The following TMED3 variants were observed in gnomAD, a reference collection of about 807,000 sequenced individuals.
TMED3 encodes transmembrane p24 trafficking protein 3, also known as transmembrane emp24 domain-containing protein 3.
TMED3 carries 9 observed loss-of-function variants against 15.0 expected under a neutral mutation model. That is an observed-to-expected ratio of 0.60 (90% confidence interval 0.36 to 1.04). The LOEUF (loss-of-function observed/expected upper bound fraction) is 1.04. Among genes scored for constraint, TMED3 ranks in the 50% least tolerant of loss-of-function variants. The pLI is 0.01. For synonymous variants in TMED3, 117 were observed against 121.4 expected (o/e 0.96, Z 0.24); for missense variants, 267 against 278.9 (o/e 0.96, Z 0.30).
chr15:79,322,336 C>A lies in TMED3; in HGVS notation c.*122C>A. On this transcript the variant is annotated 3_prime_UTR_variant, in exon 3 of 3. Coordinates refer to ENST00000299705, the MANE Select transcript of TMED3 (RefSeq NM_007364.4). ...GCAGAACGATGCTGCTGTGGTAGCC[C>A]TTTGCCTTTCATGCCCATGCTTGAT... is the stretch of plus-strand genomic sequence containing the variant. 6.7e-7 allele frequency: 1 copy of A among 1,494,632 alleles called. No homozygotes were observed. Among genetic ancestry groups the A allele is most frequent in the East Asian group, 2.3e-5 (1 of 43,458 alleles). 92.6% of individuals were successfully genotyped at this position (1,494,632 alleles called of 1,614,324 possible). A position where few individuals can be genotyped will look rare whatever the true frequency, so the allele number is the denominator to read the frequency against.
At position 79,311,354 on chromosome 15, in the gene TMED3, C is replaced by A; in HGVS notation, c.105C>A (p.Asp35Glu). Residue 35 changes from aspartate (D) to glutamate (E), a missense_variant, in exon 1 of 3, where the codon GAC (aspartate) becomes GAA (glutamate). Asp to Glu is a conservative substitution (Grantham distance 45). Around this residue, in one of 3 missense-constraint regions of TMED3, gnomAD observed 59 missense variants for 47.0 expected, o/e 1.26. Coordinates refer to ENST00000299705, the MANE Select transcript of TMED3 (RefSeq NM_007364.4). ...CGAELTFELP[D>E]NAKQCFHEEV... is the part of the protein sequence containing the mutation. The stretch of plus-strand genomic sequence containing the variant: ...CCGAGCTCACCTTCGAGCTGCCGGA[C>A]AACGCCAAGCAGTGCTTCCACGAGG... 1 of 1,612,040 alleles carries A rather than the reference C, an allele frequency of 6.2e-7. No homozygotes were observed. The highest frequency in any genetic ancestry group is 8.5e-7 in the Non-Finnish European group (1 of 1,179,482).
intron 2 of TMED3, among the ~76,000 whole-genome samples, chr15:79,364,749 G>A (rs79248142): frequency 0.11 from 16,526 of 150,844 alleles, 985 homozygotes; most frequent in Admixed American, 0.14. Context: ...TTTGGCCACT[G>A]GATGGCCAAA....
At chr15:79,338,737 A>G (rs539895577) in intron 2 of TMED3, among the ~76,000 whole-genome samples, 1 of 150,506 alleles carries the variant, frequency 6.6e-6, no homozygotes, top group South Asian at 2.1e-4. Flanking sequence ...GTGAGGAGTG[A>G]CCAGAAGACA....
intron 2 of TMED3, among the ~76,000 whole-genome samples, chr15:79,366,615 C>T (rs910722975): frequency 4.6e-5 from 7 of 152,156 alleles, no homozygotes; most frequent in South Asian, 4.1e-4. Flanking sequence ...ATGCTTGGTT[C>T]GGGGATAGTG....
intron 2 of TMED3, chr15:79,314,466 T>C (rs1296601841): frequency 6.8e-6 from 3 of 442,518 alleles, no homozygotes; most frequent in South Asian, 4.7e-5. Flanking sequence ...AAAAGGTTGG[T>C]GGGGAGCTTT....
At chr15:79,397,291 T>C (rs1202994768) in intron 2 of TMED3, among the ~76,000 whole-genome samples, 1 of 152,154 alleles carries the variant, frequency 6.6e-6, no homozygotes, top group Non-Finnish European at 1.5e-5. Context: ...GAAGAAAGAG[T>C]TTTCTTCTGA....
intron 2 of TMED3, among the ~76,000 whole-genome samples, chr15:79,388,284 C>T (rs190538004): frequency 2.0e-5 from 3 of 152,172 alleles, no homozygotes; most frequent in Admixed American, 2.0e-4. Flanking sequence ...GGGAAGTCTG[C>T]TTTTATTCCA....
At chr15:79,351,552 A>G (rs1380918253) in intron 2 of TMED3, among the ~76,000 whole-genome samples, 1 of 152,222 alleles carries the variant, frequency 6.6e-6, no homozygotes, top group African/African-American at 2.4e-5. Flanking sequence ...TTTTATGGCC[A>G]TAATACAAAA....
At chr15:79,411,460 G>A (rs138579612) in exon 3 of TMED3, 31 of 702,528 alleles carry the variant, frequency 4.4e-5, no homozygotes, top group African/African-American at 2.6e-4. Flanking sequence ...GCAGCCAGGC[G>A]GAACACCTGC....
chr15:79,347,924 A>G (rs6495398), intron 2 of TMED3, among the ~76,000 whole-genome samples: 130,888 of 152,160 alleles, frequency 0.86, 56,567 homozygotes, highest in Middle Eastern at 0.9. Flanking sequence ...CCAAAAAAGC[A>G]TATCATTTTG....
chr15:79,363,242 T>C (rs984537899), intron 2 of TMED3, among the ~76,000 whole-genome samples: 2 of 152,174 alleles, frequency 1.3e-5, no homozygotes, highest in African/African-American at 4.8e-5. Context: ...ACAGAAAATA[T>C]AGGTAATTGT....
intron 2 of TMED3, among the ~76,000 whole-genome samples, chr15:79,399,874 A>G (rs1469934133): frequency 1.3e-5 from 2 of 152,222 alleles, no homozygotes; most frequent in African/African-American, 4.8e-5. Flanking sequence ...TACATGCTTC[A>G]GTCTCCACGG....
chr15:79,336,876 G>A (rs905265599), intron 2 of TMED3, among the ~76,000 whole-genome samples: 6 of 152,136 alleles, frequency 3.9e-5, no homozygotes, highest in Admixed American at 3.3e-4. Flanking sequence ...AAACACTCAG[G>A]ACACTTACCA....
At chr15:79,324,234 G>A (rs75984402), downstream of TMED3, among the ~76,000 whole-genome samples, 147 of 152,162 alleles carry the variant, frequency 9.7e-4, no homozygotes, top group African/African-American at 3.3e-3. Context: ...CTCGTGATCC[G>A]CCCGCCTCGG....
chr15:79,369,098 A>G (rs1205951474), intron 2 of TMED3, among the ~76,000 whole-genome samples: 1 of 151,962 alleles, frequency 6.6e-6, no homozygotes, highest in Admixed American at 6.6e-5. Flanking sequence ...TGTCTTAAAA[A>G]AAAAAAAAAA....
At chr15:79,372,245 T>TAAGAC (rs1389971227) in intron 2 of TMED3, among the ~76,000 whole-genome samples, 2 of 152,214 alleles carry the variant, frequency 1.3e-5, no homozygotes, top group Non-Finnish European at 2.9e-5. Context: ...CAGGGGTGGA[T>TAAGAC]GTCTTTGCCA....
intron 2 of TMED3, chr15:79,383,972 T>G (rs1317528883): frequency 6.6e-6 from 1 of 152,216 alleles, no homozygotes; most frequent in East Asian, 1.9e-4. Context: ...TGGGGCATGA[T>G]TCAGCCCAGA....
chr15:79,358,896 G>C (rs997297601), intron 2 of TMED3, among the ~76,000 whole-genome samples: 11 of 152,186 alleles, frequency 7.2e-5, no homozygotes, highest in Non-Finnish European at 1.2e-4. Flanking sequence ...CCTGGACAGG[G>C]TTCCTGATTC....
intron 2 of TMED3, among the ~76,000 whole-genome samples, chr15:79,365,928 A>G (rs1893221719): frequency 6.6e-6 from 1 of 152,226 alleles, no homozygotes; most frequent in Non-Finnish European, 1.5e-5. Context: ...AGAACAAGTC[A>G]GAGACATATG....
Sources: allele counts gnomAD v4.1 joint callset (sites outside exome capture counted in the v4.1 genomes callset), GRCh38; gene constraint gnomAD v4.1.1; regional missense constraint gnomAD v4.1.1; transcripts MANE v1.5; gene names NCBI Gene and HGNC (gene_info 2026-07-23, HGNC 2026-07-21).